The following SEC14L1 variants were observed in gnomAD, a reference collection of about 807,000 sequenced individuals.
SEC14L1 encodes the protein SEC14-like protein 1.
In SEC14L1, 48 loss-of-function variants were observed where a neutral mutation model predicts 85.3. The ratio of observed to expected loss-of-function variants is 0.56; its 90% CI spans 0.45 to 0.72. The LOEUF is 0.72. Among genes scored for constraint, SEC14L1 ranks in the 30% least tolerant of loss-of-function variants. The probability of loss-of-function intolerance (pLI) is 0.00; values close to 1 mark genes in which losing one functional copy is unlikely to be tolerated. For synonymous variants in SEC14L1, 391 were observed against 355.5 expected, an observed-to-expected ratio of 1.10 and a Z score of -1.12; for missense variants, 682 against 921.4, an observed-to-expected ratio of 0.74 and a Z score of 3.36.
At chr17:77,204,937 C>T (rs1218626291) in intron 10 of SEC14L1, among the ~76,000 whole-genome samples, 1 of 152,202 alleles carries the variant, frequency 6.6e-6, no homozygotes, top group Non-Finnish European at 1.5e-5. Flanking sequence ...AGAGTGTTCT[C>T]ACACTCACAG....
chr17:77,198,421 G>C (rs4789418), intron 8 of SEC14L1, among the ~76,000 whole-genome samples: 42,189 of 152,108 alleles, frequency 0.28, 6,094 homozygotes, highest in Middle Eastern at 0.33. Flanking sequence ...ATCTTTAGAA[G>C]GGGAAAGCAG....
chr17:77,124,049 T>C (rs1972372628), intron 3 of SEC14L1, among the ~76,000 whole-genome samples: 1 of 152,164 alleles, frequency 6.6e-6, no homozygotes. Context: ...TGGACGATAA[T>C]CTCAGCCTGC....
chr17:77,216,718 C>T lies in SEC14L1; in HGVS notation c.*2695C>T. 7.4e-7 allele frequency: 1 copy of T among 1,351,692 alleles called. No homozygotes were observed. The highest frequency in any genetic ancestry group is 1.0e-6 in the Non-Finnish European group (1 of 967,160). 83.7% of individuals were successfully genotyped at this position (1,351,692 alleles called of 1,614,324 possible). A position where few individuals can be genotyped will look rare whatever the true frequency, so the allele number is the denominator to read the frequency against. On this transcript the variant is annotated 3_prime_UTR_variant, in exon 17 of 17. Transcript: ENST00000436233. Reference sequence around the variant, plus strand: ...AGTGGCATTCTTTTATACCCAAAGACTGTAGTGCATCTTGAAGAGCTCAAA... The same window carrying T: ...AGTGGCATTCTTTTATACCCAAAGATTGTAGTGCATCTTGAAGAGCTCAAA...
At chr17:77,139,044 G>A (rs183076699), upstream of SEC14L1, among the ~76,000 whole-genome samples, 19 of 151,704 alleles carry the variant, frequency 1.3e-4, no homozygotes, top group East Asian at 2.1e-3. Context: ...GTCTTGTACC[G>A]TTTCCCACAG....
At chr17:77,148,419 G>A (rs1429174215) in intron 3 of SEC14L1, among the ~76,000 whole-genome samples, 3 of 152,154 alleles carry the variant, frequency 2.0e-5, no homozygotes, top group South Asian at 2.1e-4. Flanking sequence ...ATTAGCTCCT[G>A]TGCATCCCAG....
chr17:77,202,806 G>C (rs1335031453), intron 9 of SEC14L1, among the ~76,000 whole-genome samples: 1 of 151,892 alleles, frequency 6.6e-6, no homozygotes, highest in East Asian at 1.9e-4. Flanking sequence ...TGTAGTTCCA[G>C]CTACTTGGGA....
chr17:77,200,372 T>C (rs1976069290), intron 8 of SEC14L1, 112 bp from the exon 9 acceptor site: 12 of 757,302 alleles, frequency 1.6e-5, no homozygotes, highest in Middle Eastern at 3.9e-4. Context: ...TTTCACCATA[T>C]TGGCCAGGCT....
chr17:77,131,305 T>C (rs1972603819), intron 3 of SEC14L1, among the ~76,000 whole-genome samples: 1 of 152,222 alleles, frequency 6.6e-6, no homozygotes, highest in Admixed American at 6.5e-5. Context: ...GTTTCGCTTT[T>C]GTTGCCCAGG....
chr17:77,196,821 G>T (rs1052722041), intron 8 of SEC14L1, among the ~76,000 whole-genome samples: 34 of 152,202 alleles, frequency 2.2e-4, no homozygotes, highest in Non-Finnish European at 7.3e-5. Flanking sequence ...AATTCTGTCA[G>T]CCTGCTTACT....
chr17:77,154,628 GTTTT>G (rs762438243), intron 3 of SEC14L1, among the ~76,000 whole-genome samples: 1 of 84,894 alleles, frequency 1.2e-5, no homozygotes, highest in African/African-American at 3.7e-5. Context: ...GCCCCTTCTG[GTTTT>G]TTTTGTTTTT....
At chr17:77,093,859 A>T (rs926257706) in intron 3 of SEC14L1, 1 of 152,170 alleles carries the variant, frequency 6.6e-6, no homozygotes, top group Admixed American at 6.6e-5. Flanking sequence ...TCAGCCTTCA[A>T]ATATGCTGGG....
intron 3 of SEC14L1, among the ~76,000 whole-genome samples, chr17:77,164,484 C>T (rs1158941262): frequency 6.6e-6 from 1 of 152,206 alleles, no homozygotes; most frequent in African/African-American, 2.4e-5. Context: ...TTTCCCAGCG[C>T]TCCCCCTTTG....
At chr17:77,170,889 C>G (rs1974496661) in intron 3 of SEC14L1, among the ~76,000 whole-genome samples, 2 of 152,108 alleles carry the variant, frequency 1.3e-5, no homozygotes, top group Admixed American at 6.5e-5. Flanking sequence ...TCTATAATTC[C>G]AAACCTAGGT....
chr17:77,192,582 C>T (rs1358264167), intron 5 of SEC14L1, among the ~76,000 whole-genome samples: 1 of 152,136 alleles, frequency 6.6e-6, no homozygotes, highest in African/African-American at 2.4e-5. Flanking sequence ...CTCACCTCCT[C>T]CCATCTCGGC....
At chr17:77,196,400 T>A (rs1241510301) in intron 8 of SEC14L1, 89 bp downstream of exon 8, 1 of 743,382 alleles carries the variant, frequency 1.3e-6, no homozygotes, top group African/African-American at 1.8e-5. Flanking sequence ...AGAGTGATAT[T>A]CCCAACTTCC....
intron 3 of SEC14L1, among the ~76,000 whole-genome samples, chr17:77,170,791 A>G (rs374049730): frequency 6.6e-6 from 1 of 152,320 alleles, no homozygotes; most frequent in East Asian, 1.9e-4. Context: ...GCCTTGGTGT[A>G]TGATATTCCC....
Position 77,205,365 on chromosome 17 carries a change from TTTTCC to T in SEC14L1, c.1169+24_1169+28del. 1.2e-6 allele frequency: 2 copies of T among 1,604,248 alleles called. No homozygotes were observed. The highest frequency in any genetic ancestry group is 1.7e-6 in the Non-Finnish European group (2 of 1,171,836). On this transcript the variant is annotated intron_variant, in intron 11 of 16. Transcript: ENST00000436233. ...CTATCAGGTAGATGTGGGATTTTGT[TTTTCC>T]TTTCAACTTACTGAGAAAACGAATT...
chr17:77,177,242 G>C (rs1277605038), intron 3 of SEC14L1, among the ~76,000 whole-genome samples: 2 of 151,806 alleles, frequency 1.3e-5, no homozygotes, highest in Non-Finnish European at 2.9e-5. Context: ...GTTCAGGACA[G>C]TGAGCAAATT....
exon 2 of SEC14L1, chr17:77,089,247 G>T (rs16969660): frequency 0.096 from 35,381 of 366,810 alleles, 2,871 homozygotes; most frequent in African/African-American, 0.29. Context: ...GAGAGCATTC[G>T]AAGTGACCTC....
Sources: gnomAD v4.1 joint callset for allele counts (sites outside exome capture counted in the v4.1 genomes callset) on GRCh38, gnomAD v4.1.1 for gene constraint, MANE v1.5 for transcripts, NCBI Gene and HGNC (gene_info 2026-07-23, HGNC 2026-07-21) for gene names.